NSD1: variants seen among roughly 807,000 people sequenced by gnomAD.
NSD1 encodes nuclear receptor binding SET domain protein 1.
A neutral mutation model predicts 242.7 loss-of-function variants in NSD1; 26 were observed. That is an observed-to-expected ratio of 0.11 (90% CI 0.08 to 0.15). NSD1 has a LOEUF of 0.15. Ranked by LOEUF, NSD1 falls within the 10% of genes least tolerant of loss-of-function variation. NSD1 has a pLI of 1.00. For missense variants in NSD1, 2,495 were observed against 3,272.8 expected (o/e 0.76, Z 5.80); for synonymous variants, 1,106 against 1,178.1 (o/e 0.94, Z 1.25).
At chr5:177,212,799 T>A (rs1301459424) in intron 5 of NSD1, among the ~76,000 whole-genome samples, 1 of 151,772 alleles carries the variant, frequency 6.6e-6, no homozygotes, top group African/African-American at 2.4e-5. Flanking sequence ...CCCGCCACCA[T>A]ACCTGGTAAT....
At position 177,287,984 on chromosome 5, in the gene NSD1, T is replaced by A. The variant is rs150769267; in HGVS notation, c.6152-835T>A. On this transcript the variant is annotated intron_variant, in intron 20 of 22. Transcript: ENST00000439151. ...GGAAATCTTCCTAAGAATTGACAGT[T>A]TTTAATATGAATGATGGTTACCTTA... 5.7e-3 allele frequency among the ~76,000 whole-genome samples: 870 copies of A among 152,364 alleles called. 10 individuals are homozygous for A. The highest frequency in any genetic ancestry group is 0.02 in the African/African-American group (825 of 41,594).
chr5:177,191,620 A>G (rs1190353276), intron 2 of NSD1, among the ~76,000 whole-genome samples: 1 of 152,172 alleles, frequency 6.6e-6, no homozygotes, highest in East Asian at 1.9e-4. Flanking sequence ...CTTTAAAAAT[A>G]AAGCCAGCTT....
chr5:177,259,878 T>C, intron 13 of NSD1, 111 bp from the exon 14 acceptor site: 1 of 1,197,766 alleles, frequency 8.3e-7, no homozygotes, highest in Non-Finnish European at 1.2e-6. Context: ...GGTCATTCCT[T>C]CTATTTGTGA....
rs147524738 is a variant in NSD1, at chr5:177,161,924, T to G, written c.927+25894T>G. ...CCTCAGCCTGCCAAAGTGCTGAGAT[T>G]ACAGGTGTGAGCCACTGTTCTAGGC... On this transcript the variant is annotated intron_variant, in intron 2 of 22. Transcript: ENST00000439151. 7.2e-5 allele frequency among the ~76,000 whole-genome samples: 11 copies of G among 152,198 alleles called. No homozygotes were observed. In the East Asian group the frequency reaches 2.1e-3, roughly 29 times the overall value.
chr5:177,219,475 G>A (rs1427817819), intron 5 of NSD1, among the ~76,000 whole-genome samples: 19 of 152,052 alleles, frequency 1.2e-4, no homozygotes, highest in African/African-American at 4.6e-4. Flanking sequence ...GTGAGCCACC[G>A]CGCCCGGCCC....
intron 17 of NSD1, among the ~76,000 whole-genome samples, chr5:177,276,890 G>A (rs1361936351): frequency 6.6e-6 from 1 of 152,134 alleles, no homozygotes; most frequent in Non-Finnish European, 1.5e-5. Context: ...CTGAAATTAA[G>A]AATTTCAAAA....
intron 14 of NSD1, chr5:177,266,378 A>G (rs1003808308): frequency 5.9e-6 from 4 of 677,616 alleles, no homozygotes; most frequent in Non-Finnish European, 1.1e-5. Context: ...TTGGCGGCGA[A>G]CATGCAGAGG....
intron 3 of NSD1, among the ~76,000 whole-genome samples, chr5:177,198,327 A>T (rs1254622448): frequency 6.6e-6 from 1 of 152,094 alleles, no homozygotes; most frequent in Non-Finnish European, 1.5e-5. Flanking sequence ...TGCCTGGCCA[A>T]TTTATTTTTG....
chr5:177,291,354 A>G (rs1223989530), intron 21 of NSD1, among the ~76,000 whole-genome samples: 1 of 152,164 alleles, frequency 6.6e-6, no homozygotes, highest in Non-Finnish European at 1.5e-5. Flanking sequence ...AAAGTAGACG[A>G]ATATAAAAGT....
intron 2 of NSD1, among the ~76,000 whole-genome samples, chr5:177,157,477 C>T (rs995097202): frequency 6.6e-6 from 1 of 151,758 alleles, no homozygotes; most frequent in African/African-American, 2.4e-5. Flanking sequence ...GTGGGCAGAT[C>T]ACTTGAGGTC....
chr5:177,161,690 T>TG (rs201250916), intron 2 of NSD1, among the ~76,000 whole-genome samples: 11,799 of 150,774 alleles, frequency 0.078, 979 homozygotes, highest in African/African-American at 0.21. Flanking sequence ...CTTTTTTTTT[T>TG]TTTTTGTTTT....
At chr5:177,253,721 C>T (rs921508882) in intron 12 of NSD1, among the ~76,000 whole-genome samples, 1 of 152,162 alleles carries the variant, frequency 6.6e-6, no homozygotes, top group Non-Finnish European at 1.5e-5. Context: ...CAGCCTCAAC[C>T]TCCCAGGCTC....
intron 3 of NSD1, among the ~76,000 whole-genome samples, chr5:177,199,432 A>AT (rs1231832530): frequency 6.6e-6 from 1 of 151,712 alleles, no homozygotes; most frequent in Non-Finnish European, 1.5e-5. Context: ...TAATTTTTAA[A>AT]TTTTTTTATA....
rs61538775 is a variant in NSD1 at position 177,264,028 on chromosome 5, A to ATTTTTTTTTTTTTTTTTTTTTT, written c.5147-3529_5147-3508dup. On this transcript the variant is annotated intron_variant, in intron 14 of 22. Transcript: ENST00000439151. ...AAGATGCATATGACTCAATGAACCA[A>ATTTTTTTTTTTTTTTTTTTTTT]TTTTTTTTTTTTTTTTTTTTTTTTT... Among the ~76,000 whole-genome samples, 117 of 76,380 alleles carry ATTTTTTTTTTTTTTTTTTTTTT rather than the reference A, an allele frequency of 1.5e-3. 22 individuals are homozygous for ATTTTTTTTTTTTTTTTTTTTTT. Among genetic ancestry groups the ATTTTTTTTTTTTTTTTTTTTTT allele is most frequent in the Non-Finnish European group, 2.2e-3 (89 of 40,750 alleles). 50.1% of individuals were successfully genotyped at this position (76,380 alleles called of 152,430 possible).
chr5:177,210,839 T>C lies in NSD1; in HGVS notation c.2440T>C (p.Cys814Arg), dbSNP rs759791721. 5.0e-6 allele frequency: 8 copies of C among 1,614,210 alleles called. No individual in the cohort carries two copies. The highest frequency in any genetic ancestry group is 6.8e-6 in the Non-Finnish European group (8 of 1,180,034). ...PVINEECSLK[C>R]CSSDTKGSPL... ...TATAAATGAGGAGTGCAGTTTGAAATGCTGCTCTTCTGATACCAAAGGCTC... is the reference window on the plus strand; with the variant it reads ...TATAAATGAGGAGTGCAGTTTGAAACGCTGCTCTTCTGATACCAAAGGCTC... Residue 814 changes from cysteine (C) to arginine (R), a missense_variant, in exon 5 of 23, where the codon TGC becomes CGC. Coordinates refer to ENST00000439151, the MANE Select transcript of NSD1 (RefSeq NM_022455.5).
chr5:177,147,006 C>CAA (rs61004413), intron 2 of NSD1, among the ~76,000 whole-genome samples: 1 of 136,214 alleles, frequency 7.3e-6, no homozygotes, highest in Non-Finnish European at 1.6e-5. Context: ...GTCTCTGTCT[C>CAA]AAAAAAAAAA....
Position 177,143,948 on chromosome 5 carries a change from A to G in NSD1, c.927+7918A>G, listed in dbSNP as rs1413799021. On this transcript the variant is annotated intron_variant, in intron 2 of 22. Transcript: ENST00000439151. ...TTATAGGCATGCGCCACCATGCCCG[A>G]CTAATTTTGTGTTTTTAGTAGAGAT... 4.6e-5 allele frequency among the ~76,000 whole-genome samples: 7 copies of G among 151,536 alleles called. No individual in the cohort carries two copies. In the East Asian group the frequency reaches 1.4e-3, roughly 30 times the overall value.
chr5:177,297,740 T>G lies in NSD1; in HGVS notation c.*2281T>G, dbSNP rs886060451. On this transcript the variant is annotated 3_prime_UTR_variant, in exon 23 of 23. Coordinates refer to ENST00000439151, the MANE Select transcript of NSD1 (RefSeq NM_022455.5). The stretch of plus-strand genomic sequence containing the variant: ...TGATTCTAAAGTAGCTTCTCTAAAG[T>G]AGGCTTTGGTAGGTAATCAACTTGA... 10 of 232,542 alleles carry G rather than the reference T, an allele frequency of 4.3e-5. No homozygotes were observed. Among genetic ancestry groups the G allele is most frequent in the Non-Finnish European group, 8.5e-5 (10 of 117,768 alleles). 14.4% of individuals were successfully genotyped at this position (232,542 alleles called of 1,614,324 possible). A position where few individuals can be genotyped will look rare whatever the true frequency, so the allele number is the denominator to read the frequency against.
Position 177,134,076 on chromosome 5 carries a change from CG to C in NSD1, c.-18+128del, listed in dbSNP as rs1756078252. On this transcript the variant is annotated intron_variant, in intron 1 of 22. Transcript: ENST00000439151. This position sits in a 1 kb window ranked among gnomAD's most constrained non-coding sequence, Gnocchi z 4.2. ...GCTCGGGGGAGGGCCAGGCGCGATG[CG>C]GGGTTGGTGGCCGGCGGCGCTGCAG... is the stretch of plus-strand genomic sequence containing the variant. The C allele has an allele frequency of 6.9e-6, 1 of 145,484 alleles. No individual in the cohort carries two copies. Among genetic ancestry groups the C allele is most frequent in the African/African-American group, 2.5e-5 (1 of 39,856 alleles). 9.0% of individuals were successfully genotyped at this position (145,484 alleles called of 1,614,324 possible). A position where few individuals can be genotyped will look rare whatever the true frequency, so the allele number is the denominator to read the frequency against.
Sources: gnomAD v4.1 joint callset for allele counts (sites outside exome capture counted in the v4.1 genomes callset) on GRCh38, gnomAD v4.1.1 for gene constraint, Gnocchi (gnomAD v3.1) non-coding constraint, MANE v1.5 for transcripts, NCBI Gene and HGNC (gene_info 2026-07-23, HGNC 2026-07-21) for gene names.